Variants in SEMA3D observed in about 807,000 individuals in gnomAD.
SEMA3D encodes the protein semaphorin-3D.
In SEMA3D, 84 loss-of-function variants were observed where a neutral mutation model predicts 100.1. The observed-to-expected ratio is 0.84, with a 90% CI of 0.70 to 1.01. The LOEUF is 1.01. Ranked by LOEUF, SEMA3D falls within the 50% of genes least tolerant of loss-of-function variation. The pLI, the probability that SEMA3D is intolerant of heterozygous loss-of-function variation, is 0.00. For synonymous variants in SEMA3D, 312 were observed against 320.7 expected (o/e 0.97, Z 0.29); for missense variants, 875 against 934.1 (o/e 0.94, Z 0.82).
At chr7:85,024,426 C>T (rs368197407) in intron 12 of SEMA3D, among the ~76,000 whole-genome samples, 2 of 151,870 alleles carry the variant, frequency 1.3e-5, no homozygotes, top group East Asian at 1.9e-4. Flanking sequence ...ACATTCAAGC[C>T]GTAGTTTTTG....
chr7:85,235,785 G>C, the SEMA3D span, among the ~76,000 whole-genome samples: 1 of 152,112 alleles, frequency 6.6e-6, no homozygotes, highest in Non-Finnish European at 1.5e-5. Flanking sequence ...CCAAATATCT[G>C]TTTTCTCCAT....
At chr7:85,048,714 A>G (rs73713932) in intron 9 of SEMA3D, among the ~76,000 whole-genome samples, 1,838 of 151,988 alleles carry the variant, frequency 0.012, 29 homozygotes, top group African/African-American at 0.042. Flanking sequence ...TTAAAAAAGG[A>G]TCTGACCACT....
chr7:85,182,950 G>C (rs545949117), intron 1 of SEMA3D, among the ~76,000 whole-genome samples: 1 of 152,130 alleles, frequency 6.6e-6, no homozygotes, highest in Admixed American at 6.5e-5. Context: ...AATTGACAAG[G>C]ATGATTCTGA....
intron 2 of SEMA3D, among the ~76,000 whole-genome samples, chr7:85,129,689 C>A (rs1789669811): frequency 6.6e-6 from 1 of 152,162 alleles, no homozygotes; most frequent in Middle Eastern, 3.4e-3. Context: ...TACTGGAAAG[C>A]AGTAAATAAT....
chr7:85,059,227 C>T (rs1185994195), intron 8 of SEMA3D, among the ~76,000 whole-genome samples: 7 of 152,100 alleles, frequency 4.6e-5, no homozygotes, highest in African/African-American at 1.7e-4. Context: ...ATAAATAAAA[C>T]CCTATCTATA....
chr7:85,159,958 G>A, intron 1 of SEMA3D: 1 of 984,818 alleles, frequency 1.0e-6, no homozygotes, highest in South Asian at 4.7e-5. Flanking sequence ...CAAGCCATAA[G>A]TTCTACGGTA....
chr7:85,234,927 T>C, the SEMA3D span, among the ~76,000 whole-genome samples: 1 of 152,216 alleles, frequency 6.6e-6, no homozygotes, highest in Admixed American at 6.5e-5. Context: ...CAACCAGGGC[T>C]GGCTAGCGGC....
intron 5 of SEMA3D, among the ~76,000 whole-genome samples, chr7:85,079,372 A>G (rs986520085): frequency 2.6e-5 from 4 of 152,212 alleles, no homozygotes; most frequent in African/African-American, 9.6e-5. Flanking sequence ...ATGATTCAAC[A>G]TCAAACTACA....
At chr7:85,066,913 C>CACATACACACACACAGAGAGAGAG in intron 7 of SEMA3D, among the ~76,000 whole-genome samples, 6 of 127,760 alleles carry the variant, frequency 4.7e-5, no homozygotes, top group African/African-American at 1.9e-4. Flanking sequence ...CACACACACA[C>CACATACACACACACAGAGAGAGAG]AGAGAGAGAG....
intron 11 of SEMA3D, 118 bp downstream of exon 11, chr7:85,040,554 TG>T: frequency 1.6e-6 from 1 of 621,528 alleles, no homozygotes; most frequent in Non-Finnish European, 2.9e-6. Flanking sequence ...AAAGGTAAAA[TG>T]AAAAAAAAAG....
chr7:85,091,195 G>C (rs1199778619), intron 4 of SEMA3D, among the ~76,000 whole-genome samples: 1 of 148,986 alleles, frequency 6.7e-6, no homozygotes, highest in Non-Finnish European at 1.5e-5. Context: ...GGAAGAGAAG[G>C]AGGGAGGGAG....
At chr7:85,124,909 A>G (rs1466739763) in intron 2 of SEMA3D, among the ~76,000 whole-genome samples, 1 of 152,108 alleles carries the variant, frequency 6.6e-6, no homozygotes, top group Non-Finnish European at 1.5e-5. Context: ...GGTATTGATC[A>G]AGTGTGCTGT....
At chr7:85,224,247 T>C in the SEMA3D span, among the ~76,000 whole-genome samples, 3 of 152,278 alleles carry the variant, frequency 2.0e-5, no homozygotes, top group Admixed American at 2.0e-4. Context: ...TTATTTTACC[T>C]TTGTTTGTAT....
intron 1 of SEMA3D, among the ~76,000 whole-genome samples, chr7:85,160,579 T>C (rs1790719416): frequency 6.6e-6 from 1 of 152,002 alleles, no homozygotes; most frequent in Non-Finnish European, 1.5e-5. Flanking sequence ...AATGAGAACC[T>C]TGGGGAACAA....
chr7:85,248,226 T>C, the SEMA3D span, among the ~76,000 whole-genome samples: 13 of 152,110 alleles, frequency 8.5e-5, no homozygotes, highest in Non-Finnish European at 2.9e-5. Context: ...TGAAAAGACA[T>C]TGTAGGCCAG....
chr7:85,216,224 C>G, the SEMA3D span, among the ~76,000 whole-genome samples: 21 of 152,114 alleles, frequency 1.4e-4, no homozygotes, highest in African/African-American at 5.1e-4. Flanking sequence ...TTACTTCATT[C>G]ATTTTGGAGA....
intron 2 of SEMA3D, among the ~76,000 whole-genome samples, chr7:85,128,254 A>G (rs1169116746): frequency 6.6e-6 from 1 of 151,930 alleles, no homozygotes; most frequent in African/African-American, 2.4e-5. Flanking sequence ...TGCAAGTTCC[A>G]CATCTCTGGT....
At chr7:85,185,281 C>T (rs1341989389) in intron 1 of SEMA3D, among the ~76,000 whole-genome samples, 1 of 152,094 alleles carries the variant, frequency 6.6e-6, no homozygotes, top group African/African-American at 2.4e-5. Context: ...CAGACCTCTC[C>T]TCTACCTCCG....
intron 1 of SEMA3D, chr7:85,159,929 A>G (rs1320819688): frequency 9.1e-6 from 9 of 984,978 alleles, no homozygotes; most frequent in Non-Finnish European, 1.1e-5. Flanking sequence ...GAGAATGACC[A>G]ACTAGTGTTC....
Sources: gnomAD v4.1 joint callset for allele counts (sites outside exome capture counted in the v4.1 genomes callset) on GRCh38, gnomAD v4.1.1 for gene constraint, MANE v1.5 for transcripts, NCBI Gene and HGNC (gene_info 2026-07-23, HGNC 2026-07-21) for gene names.